CACNA2D2: variants seen among roughly 807,000 people sequenced by gnomAD.
The protein encoded by CACNA2D2 is voltage-dependent calcium channel subunit alpha-2/delta-2.
CACNA2D2 carries 48 observed loss-of-function variants against 166.4 expected under a neutral mutation model. The ratio of observed to expected loss-of-function variants is 0.29; its 90% CI spans 0.23 to 0.37. The LOEUF (loss-of-function observed/expected upper bound fraction) is 0.37. Ranked by LOEUF, CACNA2D2 falls within the 10% of genes least tolerant of loss-of-function variation. The pLI, the probability that CACNA2D2 is intolerant of heterozygous loss-of-function variation, is 1.00. For missense variants in CACNA2D2, 1,122 were observed against 1,433.0 expected (o/e 0.78, Z 3.50); for synonymous variants, 561 against 573.7 (o/e 0.98, Z 0.32).
At chr3:50,455,799 G>C (rs1020303090) in intron 2 of CACNA2D2, among the ~76,000 whole-genome samples, 4 of 152,168 alleles carry the variant, frequency 2.6e-5, no homozygotes, top group African/African-American at 4.8e-5. Context: ...GGCTTCCTCC[G>C]GCGTCTCACC....
rs1704295560 is a variant in CACNA2D2 at position 50,366,460 on chromosome 3, G to C, written c.2637+118C>G. 1 of 1,464,602 alleles carries C rather than the reference G, an allele frequency of 6.8e-7. No homozygotes were observed. The highest frequency in any genetic ancestry group is 1.7e-5 in the Admixed American group (1 of 59,050). The allele number at this position is 1,464,602 out of a possible 1,614,324, so 90.7% of individuals were successfully genotyped here. A position where few individuals can be genotyped will look rare whatever the true frequency, so the allele number is the denominator to read the frequency against. ...CCCCCAGTCCTGGGAAGGCTGTGAA[G>C]TCAGGGTGGGGATGTTGAGACCCAC... is the stretch of plus-strand genomic sequence containing the variant. On this transcript the variant is annotated intron_variant, in intron 30 of 37. Transcript: ENST00000424201. The surrounding 1 kb of genome is among the most constrained non-coding windows in gnomAD (Gnocchi z 5.9).
rs1362359117 is a variant in CACNA2D2, at chr3:50,365,204, G to A, written c.3099-20C>T. 4 of 1,610,766 alleles carry A rather than the reference G, an allele frequency of 2.5e-6. No individual in the cohort carries two copies. Among genetic ancestry groups the A allele is most frequent in the African/African-American group, 2.7e-5 (2 of 74,852 alleles). ...AACAGCCTGCGGGCAGCCCGGAAAG[G>A]CGGGGCGTTGAGTTTGCCCCGCCCT... On this transcript the variant is annotated intron_variant, in intron 35 of 37. Coordinates refer to ENST00000424201, the MANE Select transcript of CACNA2D2 (RefSeq NM_006030.4). This position sits in a 1 kb window ranked among gnomAD's most constrained non-coding sequence, Gnocchi z 4.5.
Position 50,366,751 on chromosome 3 carries a change from T to C in CACNA2D2, c.2589+80A>G. Reference sequence around the variant, plus strand: ...GCCTCCATGTAGGTGTTGGAGCCACTGAGTGGAGGGTTGGTGGGGGTTCCA... The same window carrying C: ...GCCTCCATGTAGGTGTTGGAGCCACCGAGTGGAGGGTTGGTGGGGGTTCCA... On this transcript the variant is annotated intron_variant, in intron 29 of 37. Transcript: ENST00000424201. The surrounding 1 kb of genome is among the most constrained non-coding windows in gnomAD (Gnocchi z 5.9). The C allele has an allele frequency of 6.4e-7, 1 of 1,554,138 alleles. No homozygotes were observed. Among genetic ancestry groups the C allele is most frequent in the Non-Finnish European group, 8.8e-7 (1 of 1,131,074 alleles).
chr3:50,492,277 T>C (rs1168229051), intron 1 of CACNA2D2, among the ~76,000 whole-genome samples: 2 of 152,256 alleles, frequency 1.3e-5, no homozygotes, highest in African/African-American at 2.4e-5. Flanking sequence ...CTTAGCCCAC[T>C]CATGCCAGCA....
intron 2 of CACNA2D2, among the ~76,000 whole-genome samples, chr3:50,443,253 C>A (rs925908469): frequency 2.6e-5 from 4 of 152,230 alleles, no homozygotes; most frequent in African/African-American, 9.6e-5. Flanking sequence ...CGTCTGGGCC[C>A]CCTTGCCACC....
intron 1 of CACNA2D2, among the ~76,000 whole-genome samples, chr3:50,499,201 G>T (rs1698853458): frequency 6.6e-6 from 1 of 152,226 alleles, no homozygotes; most frequent in Non-Finnish European, 1.5e-5. Flanking sequence ...AAGGCCTCTG[G>T]AAGGTTCGGG....
chr3:50,451,200 A>C (rs1709088284), intron 2 of CACNA2D2, among the ~76,000 whole-genome samples: 1 of 151,524 alleles, frequency 6.6e-6, no homozygotes, highest in South Asian at 2.1e-4. Context: ...ATCTCGGCTC[A>C]TTGCAACCTC....
At chr3:50,381,177 C>T (rs764528991) in intron 6 of CACNA2D2, 51 bp from the exon 7 acceptor site, 52 of 1,602,432 alleles carry the variant, frequency 3.2e-5, no homozygotes, top group South Asian at 1.7e-4. Context: ...TGTGTCCTGT[C>T]GAACCCACCA....
chr3:50,378,933 T>C lies in CACNA2D2; in HGVS notation c.1321A>G (p.Met441Val). The C allele has an allele frequency of 6.2e-7, 1 of 1,613,776 alleles. No homozygotes were observed. The highest frequency in any genetic ancestry group is 1.3e-5 in the African/African-American group (1 of 75,016). Residue 441 changes from methionine (M) to valine (V), a missense_variant, in exon 13 of 38, where the codon ATG becomes GTG. Met to Val is a conservative substitution (Grantham distance 21). Coordinates refer to ENST00000424201, the MANE Select transcript of CACNA2D2 (RefSeq NM_006030.4). Reference protein sequence around the residue: ...HNYDVTPLQWMACANKGYYFE... With the variant: ...HNYDVTPLQWVACANKGYYFE... ...GAGGTACCTTTGTTGGCACAGGCCA[T>C]CCACTGCAGCGGTGTGACGTCATAG...
intron 22 of CACNA2D2, among the ~76,000 whole-genome samples, chr3:50,372,547 T>G (rs1472337698): frequency 6.6e-6 from 1 of 152,080 alleles, no homozygotes. Context: ...TCTGCCTCCC[T>G]TCTTGGAGGG....
At position 50,366,667 on chromosome 3, in the gene CACNA2D2, T is replaced by C. The variant is rs375774446; in HGVS notation, c.2590-42A>G. On this transcript the variant is annotated intron_variant, in intron 29 of 37. Coordinates refer to ENST00000424201, the MANE Select transcript of CACNA2D2 (RefSeq NM_006030.4). This position sits in a 1 kb window ranked among gnomAD's most constrained non-coding sequence, Gnocchi z 5.9. ...GAGGACCGTAAGCCACCCACCAGTTTTCCTCCCTCCCATCACCTTTCATAC... is the reference window on the plus strand; with the variant it reads ...GAGGACCGTAAGCCACCCACCAGTTCTCCTCCCTCCCATCACCTTTCATAC... 3 of 1,611,744 alleles carry C rather than the reference T, an allele frequency of 1.9e-6. No homozygotes were observed. In the African/African-American group the frequency reaches 4.0e-5, roughly 22 times the overall value.
At position 50,372,271 on chromosome 3, in the gene CACNA2D2, G is replaced by A. The variant is rs114601421; in HGVS notation, c.1985-1891C>T. The stretch of plus-strand genomic sequence containing the variant: ...CCTCCAAACACCTTTGCTGGCTCTT[G>A]GGGTCTAAACAGATCCCATTCCATC... On this transcript the variant is annotated intron_variant, in intron 22 of 37. Coordinates refer to ENST00000424201, the MANE Select transcript of CACNA2D2 (RefSeq NM_006030.4). Among the ~76,000 whole-genome samples the A allele has an allele frequency of 3.3e-3, 496 of 152,286 alleles. 4 individuals carry two copies. Among genetic ancestry groups the A allele is most frequent in the African/African-American group, 0.011 (469 of 41,538 alleles).
intron 22 of CACNA2D2, among the ~76,000 whole-genome samples, chr3:50,371,071 C>T (rs979681156): frequency 6.6e-6 from 1 of 151,830 alleles, no homozygotes; most frequent in Non-Finnish European, 1.5e-5. Flanking sequence ...TGAAGGGAGA[C>T]CCTCAAAGTG....
chr3:50,400,615 G>T (rs961908043), intron 3 of CACNA2D2, among the ~76,000 whole-genome samples: 4 of 152,246 alleles, frequency 2.6e-5, no homozygotes, highest in African/African-American at 9.6e-5. Flanking sequence ...GGGCAGTGAG[G>T]GCCGAGCAGG....
chr3:50,429,328 G>A (rs1362002462), intron 3 of CACNA2D2, among the ~76,000 whole-genome samples: 1 of 151,902 alleles, frequency 6.6e-6, no homozygotes, highest in Non-Finnish European at 1.5e-5. Context: ...AGAGAGGAGA[G>A]TAACCCAGCG....
chr3:50,437,219 C>T (rs750404202), intron 2 of CACNA2D2, among the ~76,000 whole-genome samples: 1 of 152,138 alleles, frequency 6.6e-6, no homozygotes, highest in African/African-American at 2.4e-5. Flanking sequence ...ATCTTTCTGC[C>T]GACCCTGGTC....
At chr3:50,372,817 A>G (rs1307852910) in intron 22 of CACNA2D2, among the ~76,000 whole-genome samples, 1 of 151,886 alleles carries the variant, frequency 6.6e-6, no homozygotes, top group Non-Finnish European at 1.5e-5. Flanking sequence ...GGGTCCAAGG[A>G]AAGGGTTGTG....
rs912111847 is a variant in CACNA2D2, at chr3:50,382,858, G to T, written c.652+1338C>A. Among the ~76,000 whole-genome samples the T allele has an allele frequency of 3.9e-5, 6 of 152,236 alleles. No individual in the cohort carries two copies. The South Asian group carries it at 1.2e-3, about 32-fold the overall frequency. ...AGGAGACCCCTGCTCTGCGTGGGCTGTCCATGCAGGTACCTGTGACCCCAC... is the reference window on the plus strand; with the variant it reads ...AGGAGACCCCTGCTCTGCGTGGGCTTTCCATGCAGGTACCTGTGACCCCAC... On this transcript the variant is annotated intron_variant, in intron 6 of 37. Transcript: ENST00000424201.
At chr3:50,468,974 A>C (rs1312937638) in intron 2 of CACNA2D2, among the ~76,000 whole-genome samples, 1 of 151,980 alleles carries the variant, frequency 6.6e-6, no homozygotes, top group Non-Finnish European at 1.5e-5. Context: ...GATTACAGGC[A>C]TGCACCACCA....
Sources: allele counts gnomAD v4.1 joint callset (sites outside exome capture counted in the v4.1 genomes callset), GRCh38; gene constraint gnomAD v4.1.1; non-coding constraint Gnocchi (gnomAD v3.1); transcripts MANE v1.5; gene names NCBI Gene and HGNC (gene_info 2026-07-23, HGNC 2026-07-21).